Variants in NUP210L observed in about 807,000 individuals in gnomAD.
The protein encoded by NUP210L is nuclear pore membrane glycoprotein 210-like.
Under a neutral mutation model 208.5 loss-of-function variants are expected in NUP210L, and 74 were observed. The ratio of observed to expected loss-of-function variants is 0.35; its 90% CI spans 0.29 to 0.43. The LOEUF (loss-of-function observed/expected upper bound fraction) is 0.43, where lower values mean the gene tolerates loss of function less well. Among genes scored for constraint, NUP210L ranks in the 20% least tolerant of loss-of-function variants. The pLI, the probability that NUP210L is intolerant of heterozygous loss-of-function variation, is 1.00. For missense variants in NUP210L, 1,843 were observed against 2,289.4 expected, an observed-to-expected ratio of 0.81 and a Z score of 3.98; for synonymous variants, 780 against 816.9, an observed-to-expected ratio of 0.95 and a Z score of 0.77.
Position 154,050,343 on chromosome 1 carries a change from C to T in NUP210L, c.3483+3885G>A, listed in dbSNP as rs1013566517. On this transcript the variant is annotated intron_variant, in intron 25 of 39. Coordinates refer to ENST00000368559, the Ensembl canonical transcript of NUP210L. The stretch of plus-strand genomic sequence containing the variant: ...AGGAGATCCTAGTCTCACTAGCCCT[C>T]GACAATTAACAAAGGAGGCTGAGGC... 1.1e-4 allele frequency among the ~76,000 whole-genome samples: 17 copies of T among 152,104 alleles called. No homozygotes were observed. The East Asian group carries it at 2.1e-3, about 19-fold the overall frequency.
intron 1 of NUP210L, among the ~76,000 whole-genome samples, chr1:154,153,324 G>A (rs950138719): frequency 6.6e-6 from 1 of 152,020 alleles, no homozygotes; most frequent in Non-Finnish European, 1.5e-5. Context: ...TTATTATTAT[G>A]TTTTTGAGAC....
intron 35 of NUP210L, among the ~76,000 whole-genome samples, chr1:154,005,366 C>G (rs1178977275): frequency 6.8e-6 from 1 of 147,942 alleles, no homozygotes; most frequent in Non-Finnish European, 1.5e-5. Flanking sequence ...TGGGACTACC[C>G]AAGTAGCGTG....
intron 37 of NUP210L, among the ~76,000 whole-genome samples, chr1:153,997,262 CT>C (rs11358509): frequency 0.28 from 40,602 of 143,548 alleles, 5,830 homozygotes; most frequent in Admixed American, 0.4. Flanking sequence ...TCGCGCTGGC[CT>C]TTTTTTTTTT....
At chr1:154,099,342 C>T (rs1482836870) in intron 14 of NUP210L, among the ~76,000 whole-genome samples, 1 of 152,136 alleles carries the variant, frequency 6.6e-6, no homozygotes, top group Non-Finnish European at 1.5e-5. Context: ...AGGAGTGGGG[C>T]TCCTGGGGCT....
At chr1:154,055,177 T>C (rs1220989297) in intron 23 of NUP210L, among the ~76,000 whole-genome samples, 21 of 81,304 alleles carry the variant, frequency 2.6e-4, no homozygotes, top group African/African-American at 7.1e-4. Flanking sequence ...CTTTCTTTCT[T>C]TCTTTCTTTC....
At position 154,136,077 on chromosome 1, in the gene NUP210L, A is replaced by C. The variant is rs180772918; in HGVS notation, c.851-105T>G. ...ATGATCAGGAAGCAGACATAAAATA[A>C]GAGTATGATCTGCTTCTAATGTTTT... is the stretch of plus-strand genomic sequence containing the variant. On this transcript the variant is annotated intron_variant, in intron 6 of 39. Coordinates refer to ENST00000368559, the Ensembl canonical transcript of NUP210L. The C allele has an allele frequency of 5.8e-5, 46 of 789,694 alleles. No individual in the cohort carries two copies. In the East Asian group the frequency reaches 1.2e-3, roughly 20 times the overall value. 48.9% of individuals were successfully genotyped at this position (789,694 alleles called of 1,614,324 possible).
rs574523280 is a variant in NUP210L at position 153,995,315 on chromosome 1, G to A, written c.5387-135C>T. On this transcript the variant is annotated intron_variant, in intron 37 of 39. Coordinates refer to ENST00000368559, the Ensembl canonical transcript of NUP210L. The stretch of plus-strand genomic sequence containing the variant: ...CCCCCAGGCTGGAGGGCAGTGGTGC[G>A]ATCTCAGCTCACTGCAACCTCCAGC... 98 of 632,270 alleles carry A rather than the reference G, an allele frequency of 1.5e-4. No homozygotes were observed. In the African/African-American group the frequency reaches 1.7e-3, roughly 11 times the overall value. The allele number at this position is 632,270 out of a possible 1,614,324, so 39.2% of individuals were successfully genotyped here. A position where few individuals can be genotyped will look rare whatever the true frequency, so the allele number is the denominator to read the frequency against.
chr1:154,014,314 G>T (rs1313586287), intron 33 of NUP210L, among the ~76,000 whole-genome samples: 1 of 152,090 alleles, frequency 6.6e-6, no homozygotes, highest in East Asian at 1.9e-4. Context: ...ATTAGAATAG[G>T]AATGACCTTT....
intron 26 of NUP210L, 29 bp downstream of exon 26, chr1:154,046,260 T>C (rs2147971559): frequency 3.1e-6 from 5 of 1,614,072 alleles, no homozygotes; most frequent in Non-Finnish European, 4.2e-6. Flanking sequence ...ATCAGAATAA[T>C]GAGCCCTGAA....
rs1657930418 is a variant in NUP210L, at chr1:154,125,826, G to A, written c.1326+497C>T. 1.5e-5 allele frequency among the ~76,000 whole-genome samples: 2 copies of A among 129,794 alleles called. 1 individual carries two copies. The highest frequency in any genetic ancestry group is 1.7e-4 in the Admixed American group (2 of 11,486). The allele number at this position is 129,794 out of a possible 152,430, so 85.1% of individuals were successfully genotyped here. ...TCTGTCGCCCAGGCTGGAGCGCAGT[G>A]GCGGGATCTCGGCTCACTGCAAGCT... On this transcript the variant is annotated intron_variant, in intron 10 of 39. Coordinates refer to ENST00000368559, the Ensembl canonical transcript of NUP210L.
intron 35 of NUP210L, among the ~76,000 whole-genome samples, chr1:154,006,968 T>A (rs12141978): frequency 0.44 from 36,134 of 82,098 alleles, 6,815 homozygotes; most frequent in African/African-American, 0.48. Context: ...ATATATATAT[T>A]TTTTTTTTTT....
chr1:154,073,215 CA>C (rs2148016837), intron 16 of NUP210L, among the ~76,000 whole-genome samples: 1 of 152,260 alleles, frequency 6.6e-6, no homozygotes, highest in South Asian at 2.1e-4. Flanking sequence ...ATCAAAACCA[CA>C]ATGTGATATC....
intron 10 of NUP210L, among the ~76,000 whole-genome samples, chr1:154,124,699 C>T (rs1378041060): frequency 2.0e-5 from 3 of 152,184 alleles, no homozygotes; most frequent in Non-Finnish European, 4.4e-5. Context: ...CACCTGTAAT[C>T]TCAACATTTT....
chr1:154,063,251 G>A (rs565275379), intron 17 of NUP210L, among the ~76,000 whole-genome samples: 120 of 152,128 alleles, frequency 7.9e-4, no homozygotes, highest in African/African-American at 2.7e-3. Flanking sequence ...AATATAGAGG[G>A]ACAGAAAACT....
At chr1:154,012,718 G>C (rs1313585542) in intron 33 of NUP210L, among the ~76,000 whole-genome samples, 13 of 151,850 alleles carry the variant, frequency 8.6e-5, no homozygotes, top group African/African-American at 2.9e-4. Context: ...AACAAAAGAC[G>C]GGGTCAGCCG....
chr1:154,147,766 G>A (rs186343495), intron 2 of NUP210L, among the ~76,000 whole-genome samples: 1 of 138,882 alleles, frequency 7.2e-6, no homozygotes, highest in Admixed American at 7.0e-5. Context: ...AGCAATCCTC[G>A]TCCCTCAGCC....
exon 3 of NUP210L, chr1:154,143,524 C>T: frequency 6.2e-7 from 1 of 1,613,978 alleles, no homozygotes; most frequent in African/African-American, 1.3e-5. Flanking sequence ...GATACAATTT[C>T]AATGCTGTTT....
At chr1:153,992,983 C>T (rs1008649964) in intron 39 of NUP210L, 32 bp downstream of exon 39, 2 of 1,609,640 alleles carry the variant, frequency 1.2e-6, no homozygotes, top group Admixed American at 3.4e-5. Flanking sequence ...TGTATCTGAG[C>T]TTTTCAAAGA....
chr1:154,032,576 C>T (rs1652292415), intron 27 of NUP210L, among the ~76,000 whole-genome samples: 1 of 151,098 alleles, frequency 6.6e-6, no homozygotes, highest in South Asian at 2.1e-4. Flanking sequence ...TCTTGGCTCA[C>T]TGCAACCTCT....
Sources: gnomAD v4.1 joint callset for allele counts (sites outside exome capture counted in the v4.1 genomes callset) on GRCh38, gnomAD v4.1.1 for gene constraint, MANE v1.5 for transcripts, NCBI Gene and HGNC (gene_info 2026-07-23, HGNC 2026-07-21) for gene names.